The following POLQ variants were observed in gnomAD, a reference collection of about 807,000 sequenced individuals.
POLQ encodes epididymis secretory sperm binding protein.
POLQ carries 233 observed loss-of-function variants against 259.2 expected under a neutral mutation model. That is an observed-to-expected ratio of 0.90 (90% CI 0.81 to 1.00). POLQ has a LOEUF of 1.00. POLQ is among the 50% of genes least tolerant of loss of function. The probability of loss-of-function intolerance (pLI) is 0.00; values close to 1 mark genes in which losing one functional copy is unlikely to be tolerated. For synonymous variants in POLQ, 1,025 were observed against 1,048.8 expected (o/e 0.98, Z 0.44); for missense variants, 2,871 against 3,051.6 (o/e 0.94, Z 1.39).
chr3:121,439,930 C>T (rs1261676036), intron 27 of POLQ, 62 bp downstream of exon 27: 29 of 1,413,598 alleles, frequency 2.1e-5, no homozygotes, highest in Non-Finnish European at 2.3e-5. Flanking sequence ...AGTATTTACT[C>T]TGCTGAAAAA....
intron 13 of POLQ, among the ~76,000 whole-genome samples, chr3:121,497,383 A>C (rs1023135026): frequency 6.6e-5 from 10 of 152,242 alleles, no homozygotes; most frequent in African/African-American, 2.4e-4. Context: ...ATTTATACTT[A>C]ACCATATTAT....
rs906397705 is a variant in POLQ at position 121,513,125 on chromosome 3, C to CT, written c.1469-1097dup. 9.3e-4 allele frequency among the ~76,000 whole-genome samples: 138 copies of CT among 148,948 alleles called. 2 individuals are homozygous for CT. The East Asian group carries it at 0.016, about 17-fold the overall frequency. On this transcript the variant is annotated intron_variant, in intron 9 of 29. Coordinates refer to ENST00000264233, the MANE Select transcript of POLQ (RefSeq NM_199420.4). ...GGTTCAAAAAGACAAATGAAGAATACTTTTTTTTTTAAATAAAACTGGCAC... is the reference window on the plus strand; with the variant it reads ...GGTTCAAAAAGACAAATGAAGAATACTTTTTTTTTTTAAATAAAACTGGCAC...
chr3:121,527,495 C>T (rs1425101578), intron 7 of POLQ, among the ~76,000 whole-genome samples: 1 of 152,230 alleles, frequency 6.6e-6, no homozygotes, highest in South Asian at 2.1e-4. Flanking sequence ...CCTCACCCAG[C>T]AGGTATGCCT....
At chr3:121,461,655 A>G (rs1359376539) in intron 24 of POLQ, among the ~76,000 whole-genome samples, 1 of 138,274 alleles carries the variant, frequency 7.2e-6, no homozygotes, top group South Asian at 2.8e-4. Context: ...GTCTCAAAAA[A>G]AAAAAAAAAG....
At chr3:121,519,757 T>C (rs924126420) in intron 9 of POLQ, 114 bp downstream of exon 9, 2 of 705,686 alleles carry the variant, frequency 2.8e-6, no homozygotes. Flanking sequence ...CACTAGTGCA[T>C]TGGATAATAA....
At chr3:121,442,370 T>C (rs1033633179) in intron 26 of POLQ, among the ~76,000 whole-genome samples, 1 of 152,234 alleles carries the variant, frequency 6.6e-6, no homozygotes, top group Non-Finnish European at 1.5e-5. Flanking sequence ...CACCCTGTTG[T>C]GCTAGCAAAT....
Position 121,496,805 on chromosome 3 carries a change from G to C in POLQ, c.2278+3C>G. ...TAAATGTGAAACCCTTTGTTTAACT[G>C]ACCTGCATAAACAGCAGCTGACTGT... On this transcript the variant is annotated splice_donor_region_variant and intron_variant, in intron 14 of 29. Coordinates refer to ENST00000264233, the MANE Select transcript of POLQ (RefSeq NM_199420.4). 1 of 1,607,342 alleles carries C rather than the reference G, an allele frequency of 6.2e-7. No homozygotes were observed. The highest frequency in any genetic ancestry group is 1.1e-5 in the South Asian group (1 of 88,998).
At chr3:121,453,062 C>T (rs954260401) in intron 25 of POLQ, among the ~76,000 whole-genome samples, 1 of 152,226 alleles carries the variant, frequency 6.6e-6, no homozygotes, top group Non-Finnish European at 1.5e-5. Context: ...AACGATCAGA[C>T]AGCAGCATTC....
At chr3:121,470,726 T>A (rs1382662538) in intron 22 of POLQ, among the ~76,000 whole-genome samples, 1 of 152,196 alleles carries the variant, frequency 6.6e-6, no homozygotes, top group African/African-American at 2.4e-5. Flanking sequence ...TCCTTCTACC[T>A]CAGCCTTCCA....
In POLQ at chr3:121,476,455, T is replaced by TACACACACAC. The variant is rs71678533; in HGVS notation, c.6405+75_6405+84dup. On this transcript the variant is annotated intron_variant, in intron 20 of 29. Coordinates refer to ENST00000264233, the MANE Select transcript of POLQ (RefSeq NM_199420.4). ...TACTGACCTTTGGTGTTCAGGTAAA[T>TACACACACAC]ACACACACACACACACACACACACA... The TACACACACAC allele has an allele frequency of 5.2e-5, 38 of 727,844 alleles. No individual in the cohort carries two copies. The African/African-American group carries it at 5.6e-4, about 11-fold the overall frequency. The allele number at this position is 727,844 out of a possible 1,614,324, so 45.1% of individuals were successfully genotyped here.
chr3:121,477,053 C>T (rs1320593295), intron 19 of POLQ, among the ~76,000 whole-genome samples: 1 of 152,186 alleles, frequency 6.6e-6, no homozygotes, highest in African/African-American at 2.4e-5. Flanking sequence ...TAACAATCAA[C>T]CTTATTTTGA....
intron 25 of POLQ, among the ~76,000 whole-genome samples, chr3:121,453,183 T>A (rs1439940287): frequency 6.6e-6 from 1 of 152,136 alleles, no homozygotes; most frequent in East Asian, 1.9e-4. Context: ...GAGGGTCCTG[T>A]CTGTTAGAAG....
chr3:121,545,058 T>C (rs751505056), intron 1 of POLQ, 152 bp from the exon 2 acceptor site: 2 of 565,248 alleles, frequency 3.5e-6, no homozygotes, highest in Non-Finnish European at 3.1e-6. Context: ...AAATTGACCA[T>C]GTATAGAAAA....
chr3:121,507,973 C>G (rs1277908085), intron 12 of POLQ, among the ~76,000 whole-genome samples: 1 of 151,270 alleles, frequency 6.6e-6, no homozygotes. Context: ...TCTGTCTCAG[C>G]CTTCCAAGTA....
intron 12 of POLQ, among the ~76,000 whole-genome samples, chr3:121,499,182 C>T (rs1409219070): frequency 1.3e-5 from 2 of 151,870 alleles, no homozygotes; most frequent in African/African-American, 4.8e-5. Flanking sequence ...CATATGGAAA[C>T]ATCATTTATT....
intron 12 of POLQ, among the ~76,000 whole-genome samples, chr3:121,499,941 G>C (rs1330453173): frequency 6.6e-6 from 1 of 152,082 alleles, no homozygotes; most frequent in African/African-American, 2.4e-5. Flanking sequence ...ATACAATAAA[G>C]ACAAAATTAT....
Position 121,539,480 on chromosome 3 carries a change from T to A in POLQ, c.584A>T (p.Asn195Ile). ...DIAVCTIERA[N>I]GLINRLIEEN... ...CTCTATGAGGCGATTGATCAGACCA[T>A]TGGCTCTCTCAATTGTGCAGACTGC... The change falls in exon 4 of 30, where the codon AAT becomes ATT. Residue 195 changes from asparagine (N) to isoleucine (I), a missense_variant. By Grantham distance (149) the Asn-to-Ile change is moderately radical. Coordinates refer to ENST00000264233, the MANE Select transcript of POLQ (RefSeq NM_199420.4). 1 of 1,613,576 alleles carries A rather than the reference T, an allele frequency of 6.2e-7. No individual in the cohort carries two copies.
intron 15 of POLQ, among the ~76,000 whole-genome samples, chr3:121,492,673 T>C (rs2048078143): frequency 6.6e-6 from 1 of 151,568 alleles, no homozygotes; most frequent in South Asian, 2.1e-4. Context: ...TCTTACTCTG[T>C]CACCCAGGCT....
rs1184837633 is a variant in POLQ, at chr3:121,432,967, T to G, written c.7610A>C (p.Gln2537Pro). ...CPIRGGFFIL[Q>P]LHDELLYEVA... ...TTCATATAGGAGTTCATCATGGAGT[T>G]GAAGGATGAAGAAGCCTCCTCTGAT... is the stretch of plus-strand genomic sequence containing the variant. Residue 2537 changes from glutamine (Q) to proline (P), a missense_variant, in exon 29 of 30, where the codon CAA (glutamine) becomes CCA (proline). By Grantham distance (76) the Gln-to-Pro change is moderately conservative. This residue lies in a region of POLQ where 2,080 missense variants were observed against 2,126.0 expected (regional missense o/e 0.98). Transcript: ENST00000264233. 6 of 1,612,228 alleles carry G rather than the reference T, an allele frequency of 3.7e-6. No homozygotes were observed. The highest frequency in any genetic ancestry group is 5.1e-6 in the Non-Finnish European group (6 of 1,178,410).
Sources: gnomAD v4.1 joint callset for allele counts (sites outside exome capture counted in the v4.1 genomes callset) on GRCh38, gnomAD v4.1.1 for gene constraint, gnomAD v4.1.1 regional missense constraint, MANE v1.5 for transcripts, NCBI Gene and HGNC (gene_info 2026-07-23, HGNC 2026-07-21) for gene names.